The following TRAFD1 variants were observed in gnomAD, a reference collection of about 807,000 sequenced individuals.
TRAFD1 encodes TRAF-type zinc finger domain containing 1, also known as TRAF-type zinc finger domain-containing protein 1.
Under a neutral mutation model 65.3 loss-of-function variants are expected in TRAFD1, and 38 were observed. That is an observed-to-expected ratio of 0.58 (90% confidence interval 0.45 to 0.76). The LOEUF (loss-of-function observed/expected upper bound fraction) is 0.76. Among genes scored for constraint, TRAFD1 ranks in the 30% least tolerant of loss-of-function variants. The probability of loss-of-function intolerance (pLI) is 0.00; values close to 1 mark genes in which losing one functional copy is unlikely to be tolerated. For missense variants in TRAFD1, 631 were observed against 712.6 expected (o/e 0.89, Z 1.30); for synonymous variants, 223 against 257.2 (o/e 0.87, Z 1.27).
chr12:112,143,132 T>C (rs987221466), intron 6 of TRAFD1, among the ~76,000 whole-genome samples: 4 of 151,860 alleles, frequency 2.6e-5, no homozygotes, highest in African/African-American at 9.7e-5. Context: ...CAGGCTGGAG[T>C]GCAGTGGCAC....
At chr12:112,148,345 T>C in intron 8 of TRAFD1, 41 bp downstream of exon 8, 2 of 1,559,836 alleles carry the variant, frequency 1.3e-6, no homozygotes, top group Non-Finnish European at 1.8e-6. Context: ...GCTCTGTGCG[T>C]GAACCTGAGG....
At chr12:112,138,277 G>A (rs188306206) in intron 4 of TRAFD1, among the ~76,000 whole-genome samples, 7 of 152,152 alleles carry the variant, frequency 4.6e-5, no homozygotes, top group Admixed American at 2.6e-4. Context: ...TAGGCCAGGC[G>A]CAATGACTCA....
At chr12:112,146,164 T>A in intron 7 of TRAFD1, among the ~76,000 whole-genome samples, 1 of 102,256 alleles carries the variant, frequency 9.8e-6, no homozygotes. Flanking sequence ...AAACTTAAAG[T>A]ATAATAATAA....
rs1228563157 is a variant in TRAFD1 at position 112,145,652 on chromosome 12, T to C, written c.917T>C (p.Ile306Thr). The C allele has an allele frequency of 6.2e-7, 1 of 1,614,014 alleles. No homozygotes were observed. Among genetic ancestry groups the C allele is most frequent in the African/African-American group, 1.3e-5 (1 of 74,918 alleles). ...CEELYPEELL[I>T]DHQTSCNPSR... is the part of the protein sequence containing the mutation. ...GAGCTCTACCCAGAGGAACTGCTGA[T>C]TGACCATCAGGTGTGTTATGAATTA... Residue 306 changes from isoleucine to threonine, a missense_variant, in exon 7 of 12, where the codon ATT becomes ACT. Physicochemically the swap from Ile to Thr is moderately conservative, Grantham distance 89. Transcript: ENST00000412615.
Position 112,142,183 on chromosome 12 carries a change from A to G in TRAFD1, c.738A>G (p.Leu246=). The G allele has an allele frequency of 1.9e-6, 3 of 1,614,058 alleles. No individual in the cohort carries two copies. The highest frequency in any genetic ancestry group is 2.2e-5 in the East Asian group (1 of 44,864). Residue 246 remains leucine, a synonymous_variant, in exon 6 of 12, where the codon CTA becomes CTG. Coordinates refer to ENST00000412615, the MANE Select transcript of TRAFD1 (RefSeq NM_006700.3). ...CAAACTTGGACTTCATGTTGGCCCT[A>G]AGTCTGCAAAATGAAGGCCAAGCCT... is the stretch of plus-strand genomic sequence containing the variant. ...ESANLDFMLA[L]SLQNEGQASS... is the part of the protein sequence containing the mutation.
chr12:112,142,774 G>A (rs1485188510), intron 6 of TRAFD1, among the ~76,000 whole-genome samples: 1 of 152,204 alleles, frequency 6.6e-6, no homozygotes, highest in Non-Finnish European at 1.5e-5. Context: ...GGCACATGAT[G>A]AAGTACTTAG....
intron 9 of TRAFD1, 65 bp from the exon 10 acceptor site, chr12:112,151,736 C>A: frequency 6.7e-7 from 1 of 1,485,042 alleles, no homozygotes; most frequent in Non-Finnish European, 9.2e-7. Flanking sequence ...TTGTTCCTGC[C>A]CTAAACCTGG....
chr12:112,147,124 A>G (rs1013131300), intron 7 of TRAFD1, among the ~76,000 whole-genome samples: 3 of 148,226 alleles, frequency 2.0e-5, no homozygotes, highest in African/African-American at 2.5e-5. Context: ...CTTAGCCTCC[A>G]GGGTAGCTGG....
In TRAFD1 at chr12:112,144,783, T is replaced by C. The variant is rs935150981; in HGVS notation, c.851-803T>C. Among the ~76,000 whole-genome samples, 11 of 152,194 alleles carry C rather than the reference T, an allele frequency of 7.2e-5. No individual in the cohort carries two copies. The East Asian group carries it at 1.7e-3, about 24-fold the overall frequency. On this transcript the variant is annotated intron_variant, in intron 6 of 11. Transcript: ENST00000412615. Reference sequence around the variant, plus strand: ...CTGTAGTCTCAGCTACTGGGTAGGCTGAGGTGGGAGGATCTCTTGAGCCTG... The same window carrying C: ...CTGTAGTCTCAGCTACTGGGTAGGCCGAGGTGGGAGGATCTCTTGAGCCTG...
intron 2 of TRAFD1, chr12:112,133,000 A>C (rs2079573492): frequency 1.3e-5 from 2 of 152,228 alleles, no homozygotes; most frequent in Admixed American, 1.3e-4. Flanking sequence ...GGAATTTTAC[A>C]ATGGTCCTAT....
In TRAFD1 at chr12:112,152,346, G is replaced by T; in HGVS notation, c.1620-81G>T. 1 of 1,572,354 alleles carries T rather than the reference G, an allele frequency of 6.4e-7. No individual in the cohort carries two copies. The highest frequency in any genetic ancestry group is 8.7e-7 in the Non-Finnish European group (1 of 1,154,056). ...TTTTGGGGTTTGTCTGCTAGCATAG[G>T]ACTGCTTCCTGTTCCCTCTGAGTTT... On this transcript the variant is annotated intron_variant, in intron 10 of 11. Transcript: ENST00000412615. This position sits in a 1 kb window ranked among gnomAD's most constrained non-coding sequence, Gnocchi z 5.0.
chr12:112,140,686 C>G, intron 4 of TRAFD1, 133 bp from the exon 5 acceptor site: 2 of 1,047,242 alleles, frequency 1.9e-6, no homozygotes, highest in South Asian at 3.4e-5. Flanking sequence ...TAATTAAATA[C>G]ATTAAAAAAG....
rs985594093 is a variant in TRAFD1, at chr12:112,149,879, T to C, written c.1279+8T>C. ...GGCGTGTCAGACACCAGGGTATTTA[T>C]TAGCCAGGACTCAGCCAAGGCCGCA... On this transcript the variant is annotated splice_region_variant and intron_variant, in intron 9 of 11. Coordinates refer to ENST00000412615, the MANE Select transcript of TRAFD1 (RefSeq NM_006700.3). 1.2e-6 allele frequency: 2 copies of C among 1,613,972 alleles called. No homozygotes were observed. The highest frequency in any genetic ancestry group is 4.5e-5 in the East Asian group (2 of 44,876).
At chr12:112,140,441 C>T (rs1392340421) in intron 4 of TRAFD1, among the ~76,000 whole-genome samples, 2 of 145,344 alleles carry the variant, frequency 1.4e-5, no homozygotes. Context: ...AAAAAAAAGA[C>T]TGAATTGGAA....
intron 1 of TRAFD1, among the ~76,000 whole-genome samples, chr12:112,128,665 T>C (rs2079552651): frequency 6.6e-6 from 1 of 152,156 alleles, no homozygotes; most frequent in African/African-American, 2.4e-5. Flanking sequence ...ATTTCTATGG[T>C]GTTCTTGCCA....
Position 112,129,683 on chromosome 12 carries a change from G to A in TRAFD1, c.-12-828G>A, listed in dbSNP as rs190878965. Among the ~76,000 whole-genome samples the A allele has an allele frequency of 2.1e-3, 321 of 152,024 alleles. 1 individual carries two copies. Among genetic ancestry groups the A allele is most frequent in the Middle Eastern group, 0.01 (3 of 294 alleles). ...TTTTGAGACGGAGTCTTACTCTGTC[G>A]CTAGGGTGGAGTGCAGTGGCACGAT... On this transcript the variant is annotated intron_variant, in intron 1 of 11. Transcript: ENST00000412615.
chr12:112,137,891 T>C lies in TRAFD1; in HGVS notation c.237+2825T>C, dbSNP rs1490545902. On this transcript the variant is annotated intron_variant, in intron 4 of 11. Coordinates refer to ENST00000412615, the MANE Select transcript of TRAFD1 (RefSeq NM_006700.3). This position sits in a 1 kb window ranked among gnomAD's most constrained non-coding sequence, Gnocchi z 4.2. ...ACTTAAAGATTTGTGCATTTCATTC[T>C]GTGTGCCTCAAACTGTAACAACTTG... Among the ~76,000 whole-genome samples, 2 of 152,228 alleles carry C rather than the reference T, an allele frequency of 1.3e-5. No homozygotes were observed.
chr12:112,126,811 G>A (rs901713207), intron 1 of TRAFD1, among the ~76,000 whole-genome samples: 2 of 151,932 alleles, frequency 1.3e-5, no homozygotes, highest in African/African-American at 2.4e-5. Flanking sequence ...CCGTCACCAC[G>A]CCCAACTAAT....
intron 7 of TRAFD1, among the ~76,000 whole-genome samples, chr12:112,147,665 T>A (rs1254627199): frequency 6.6e-6 from 1 of 151,906 alleles, no homozygotes; most frequent in Non-Finnish European, 1.5e-5. Flanking sequence ...ATTAAGCATT[T>A]AAAAAAATTT....
Sources: allele counts gnomAD v4.1 joint callset (sites outside exome capture counted in the v4.1 genomes callset), GRCh38; gene constraint gnomAD v4.1.1; non-coding constraint Gnocchi (gnomAD v3.1); transcripts MANE v1.5; gene names NCBI Gene and HGNC (gene_info 2026-07-23, HGNC 2026-07-21).